ZSCAN31: variants seen among roughly 807,000 people sequenced by gnomAD.
The protein encoded by ZSCAN31 is zinc finger and SCAN domain-containing protein 31.
ZSCAN31 carries 14 observed loss-of-function variants against 22.5 expected under a neutral mutation model. That is an observed-to-expected ratio of 0.62 (90% CI 0.41 to 0.97). The LOEUF (loss-of-function observed/expected upper bound fraction) is 0.97, where lower values mean the gene tolerates loss of function less well. Among genes scored for constraint, ZSCAN31 ranks in the 50% least tolerant of loss-of-function variants. ZSCAN31 has a pLI of 0.00. For synonymous variants in ZSCAN31, 168 were observed against 169.8 expected (o/e 0.99, Z 0.08); for missense variants, 424 against 483.4 (o/e 0.88, Z 1.15).
intron 1 of ZSCAN31, among the ~76,000 whole-genome samples, chr6:28,335,107 T>G (rs1416919): frequency 0.099 from 15,113 of 152,132 alleles, 1,107 homozygotes; most frequent in East Asian, 0.31. Context: ...TAGGGGTCTC[T>G]CCCACCACCC....
chr6:28,347,701 G>C lies in ZSCAN31; in HGVS notation c.-370-5909C>G, dbSNP rs1306712046. On this transcript the variant is annotated intron_variant, in intron 2 of 7. Transcript: ENST00000396838. The surrounding 1 kb of genome is among the most constrained non-coding windows in gnomAD (Gnocchi z 5.2). ...CTAAAGCTATGTCTGGCCTAGACTA[G>C]TCAATTAACATTTTTGTTTATGTAC... 6.6e-6 allele frequency among the ~76,000 whole-genome samples: 1 copy of C among 152,136 alleles called. No homozygotes were observed. Among genetic ancestry groups the C allele is most frequent in the Non-Finnish European group, 1.5e-5 (1 of 68,026 alleles).
At position 28,325,737 on chromosome 6, in the gene ZSCAN31, T is replaced by C. The variant is rs1478197568; in HGVS notation, c.*429A>G. On this transcript the variant is annotated 3_prime_UTR_variant, in exon 4 of 4. Coordinates refer to ENST00000344279, the MANE Select transcript of ZSCAN31 (RefSeq NM_030899.5). ...AGATGCACCTCTGAATATCCTTTGATCTTAGCAAATCTTTTTTTTAAAAGT... is the reference window on the plus strand; with the variant it reads ...AGATGCACCTCTGAATATCCTTTGACCTTAGCAAATCTTTTTTTTAAAAGT... 6.5e-6 allele frequency: 1 copy of C among 154,764 alleles called. No individual in the cohort carries two copies. The highest frequency in any genetic ancestry group is 2.4e-5 in the African/African-American group (1 of 41,470). The allele number at this position is 154,764 out of a possible 1,614,324, so 9.6% of individuals were successfully genotyped here. A position where few individuals can be genotyped will look rare whatever the true frequency, so the allele number is the denominator to read the frequency against.
chr6:28,336,382 G>A (rs1484212789), upstream of ZSCAN31: 1 of 152,226 alleles, frequency 6.6e-6, no homozygotes, highest in African/African-American at 2.4e-5. Flanking sequence ...AAACATTAGA[G>A]CCGGAAGGTG....
rs372379073 is a variant in ZSCAN31 at position 28,326,723 on chromosome 6, G to A, written c.664C>T (p.Arg222Ter). 1.1e-5 allele frequency: 18 copies of A among 1,613,906 alleles called. No individual in the cohort carries two copies. Among genetic ancestry groups the A allele is most frequent in the East Asian group, 8.9e-5 (4 of 44,898 alleles). ...LDSKYRETCK[R>*]DSKAEKQQAH... ...TGCTGCTTTTCTGCCTTGCTGTCTC[G>A]TTTACAAGTTTCTCTGTACTTAGAA... Residue 222 changes from arginine to a stop codon, truncating the protein, a stop_gained, in exon 4 of 4, where the codon CGA (arginine) becomes TGA (stop). Coordinates refer to ENST00000344279, the MANE Select transcript of ZSCAN31 (RefSeq NM_030899.5). LOFTEE classifies it low-confidence loss of function (END_TRUNC).
At chr6:28,327,829 G>A (rs1247263706) in intron 2 of ZSCAN31, among the ~76,000 whole-genome samples, 1 of 152,064 alleles carries the variant, frequency 6.6e-6, no homozygotes, top group African/African-American at 2.4e-5. Context: ...AGACGAGATG[G>A]TATATAACTT....
At chr6:28,346,381 C>T (rs145509657) in intron 2 of ZSCAN31, among the ~76,000 whole-genome samples, 1 of 117,196 alleles carries the variant, frequency 8.5e-6, no homozygotes, top group African/African-American at 3.6e-5. Flanking sequence ...CTGAGTCTCA[C>T]TCTCTGTCTC....
intron 3 of ZSCAN31, chr6:28,341,597 T>A (rs879310837): frequency 6.6e-6 from 1 of 152,254 alleles, no homozygotes; most frequent in Non-Finnish European, 1.5e-5. Flanking sequence ...AGGACTCATG[T>A]CAGCCCTTCC....
At chr6:28,339,579 C>T (rs148468277), upstream of ZSCAN31, among the ~76,000 whole-genome samples, 37 of 152,348 alleles carry the variant, frequency 2.4e-4, no homozygotes, top group African/African-American at 8.7e-4. Flanking sequence ...TGAGCCACCA[C>T]GCCTAGCCTC....
rs986869544 is a variant in ZSCAN31, at chr6:28,333,280, T to C, written c.-96+2802A>G. Among the ~76,000 whole-genome samples, 4 of 152,180 alleles carry C rather than the reference T, an allele frequency of 2.6e-5. No homozygotes were observed. The highest frequency in any genetic ancestry group is 9.7e-5 in the African/African-American group (4 of 41,440). On this transcript the variant is annotated intron_variant, in intron 1 of 3. Transcript: ENST00000344279. This position sits in a 1 kb window ranked among gnomAD's most constrained non-coding sequence, Gnocchi z 4.1. ...GAGGCAAGGGACAAGGAGAGACTCA[T>C]TACTAGTAACTAACCTATTTATTTG...
chr6:28,352,491 A>T lies in ZSCAN31; in HGVS notation c.-371+1371T>A, dbSNP rs368982317. Among the ~76,000 whole-genome samples the T allele has an allele frequency of 1.4e-4, 22 of 152,136 alleles. No homozygotes were observed. In the South Asian group the frequency reaches 1.5e-3, roughly 10 times the overall value. On this transcript the variant is annotated intron_variant, in intron 2 of 7. Transcript: ENST00000396838. ...TGTTCTTGAACTCCTGACCCCAGGA[A>T]ATCTGCCTCAGCCTCCCAAAGTGCT...
chr6:28,348,967 A>G (rs974229022), intron 2 of ZSCAN31, among the ~76,000 whole-genome samples: 1 of 148,522 alleles, frequency 6.7e-6, no homozygotes, highest in Non-Finnish European at 1.5e-5. Flanking sequence ...ATAGGTGTAT[A>G]TACATGTCTC....
In ZSCAN31 at chr6:28,329,661, T is replaced by C. The variant is rs776565523; in HGVS notation, c.23A>G (p.Tyr8Cys). 1.2e-6 allele frequency: 2 copies of C among 1,613,538 alleles called. No homozygotes were observed. Among genetic ancestry groups the C allele is most frequent in the South Asian group, 1.1e-5 (1 of 91,064 alleles). The change falls in exon 2 of 4, where the codon TAC (tyrosine) becomes TGC (cysteine). Residue 8 changes from tyrosine (Y) to cysteine (C), a missense_variant. Transcript: ENST00000344279. The part of the protein sequence containing the change: MASTEEQ[Y>C]DLKIVKVEED... ...CTCCACTTTCACAATCTTAAGATCG[T>C]ACTGTTCCTCTGTTGAAGCCATTCC...
chr6:28,333,627 A>G lies in ZSCAN31; in HGVS notation c.-96+2455T>C, dbSNP rs1763923871. Among the ~76,000 whole-genome samples, 1 of 152,182 alleles carries G rather than the reference A, an allele frequency of 6.6e-6. No homozygotes were observed. Among genetic ancestry groups the G allele is most frequent in the Admixed American group, 6.5e-5 (1 of 15,282 alleles). On this transcript the variant is annotated intron_variant, in intron 1 of 3. Transcript: ENST00000344279. This position sits in a 1 kb window ranked among gnomAD's most constrained non-coding sequence, Gnocchi z 4.1. ...CTTAAGTGCAAAAGAAGTGAGCCAT[A>G]CAGAATAGGGATGAGGGAGGGGAAG...
At chr6:28,346,722 A>G (rs1371018994) in intron 2 of ZSCAN31, among the ~76,000 whole-genome samples, 1 of 152,136 alleles carries the variant, frequency 6.6e-6, no homozygotes, top group African/African-American at 2.4e-5. Context: ...GAACATAGTT[A>G]CCAGAGTGTT....
At position 28,349,103 on chromosome 6, in the gene ZSCAN31, T is replaced by C. The variant is rs1202460994; in HGVS notation, c.-371+4759A>G. 6.9e-6 allele frequency among the ~76,000 whole-genome samples: 1 copy of C among 144,928 alleles called. No individual in the cohort carries two copies. The highest frequency in any genetic ancestry group is 6.9e-5 in the Admixed American group (1 of 14,454). On this transcript the variant is annotated intron_variant, in intron 2 of 7. Coordinates refer to the ZSCAN31 transcript ENST00000396838. The surrounding 1 kb of genome is among the most constrained non-coding windows in gnomAD (Gnocchi z 4.1). ...CATGTCTCATATACATAGGTGTATATACATGTCTCATATACATAGGTGTAT... is the reference window on the plus strand; with the variant it reads ...CATGTCTCATATACATAGGTGTATACACATGTCTCATATACATAGGTGTAT...
At position 28,349,135 on chromosome 6, in the gene ZSCAN31, G is replaced by A. The variant is rs550926696; in HGVS notation, c.-371+4727C>T. Among the ~76,000 whole-genome samples the A allele has an allele frequency of 7.1e-6, 1 of 139,914 alleles. No individual in the cohort carries two copies. 91.8% of individuals were successfully genotyped at this position (139,914 alleles called of 152,430 possible). A position where few individuals can be genotyped will look rare whatever the true frequency, so the allele number is the denominator to read the frequency against. Reference sequence around the variant, plus strand: ...CTCATATACATAGGTGTATATATATGTCTCATATATAGGTGTATATATATG... The same window carrying A: ...CTCATATACATAGGTGTATATATATATCTCATATATAGGTGTATATATATG... On this transcript the variant is annotated intron_variant, in intron 2 of 7. Transcript: ENST00000396838. This position sits in a 1 kb window ranked among gnomAD's most constrained non-coding sequence, Gnocchi z 4.1.
In ZSCAN31 at chr6:28,327,520, T is replaced by G; in HGVS notation, c.395A>C (p.Glu132Ala). ...SEPGNQAPDH[E>A]HGHSEVLLED... is the part of the protein sequence containing the mutation. ...CAAGAGCACTTCAGAATGTCCATGT[T>G]CATGGTCTGGAGCCTGAAGGCAGGT... Residue 132 changes from glutamate to alanine, a missense_variant, in exon 3 of 4, where the codon GAA becomes GCA. Transcript: ENST00000344279. 1 of 1,613,414 alleles carries G rather than the reference T, an allele frequency of 6.2e-7. No homozygotes were observed. Among genetic ancestry groups the G allele is most frequent in the Non-Finnish European group, 8.5e-7 (1 of 1,180,010 alleles).
upstream of ZSCAN31, chr6:28,355,456 GT>G (rs1561932352): frequency 6.6e-6 from 1 of 152,246 alleles, no homozygotes; most frequent in Non-Finnish European, 1.5e-5. Context: ...CCCTTCCAAA[GT>G]TGGGACCAAA....
At chr6:28,344,963 C>T (rs1239662610) in intron 2 of ZSCAN31, among the ~76,000 whole-genome samples, 3 of 136,984 alleles carry the variant, frequency 2.2e-5, no homozygotes, top group Admixed American at 7.4e-5. Flanking sequence ...AACCCGTTCT[C>T]TACTAAAACT....
Sources: gnomAD v4.1 joint callset for allele counts (sites outside exome capture counted in the v4.1 genomes callset) on GRCh38, gnomAD v4.1.1 for gene constraint, Gnocchi (gnomAD v3.1) non-coding constraint, MANE v1.5 for transcripts, NCBI Gene and HGNC (gene_info 2026-07-23, HGNC 2026-07-21) for gene names.